TOX3: variants seen among roughly 807,000 people sequenced by gnomAD.
TOX3 encodes TOX high mobility group box family member 3.
Under a neutral mutation model 64.3 loss-of-function variants are expected in TOX3, and 22 were observed. That is an observed-to-expected ratio of 0.34 (90% CI 0.24 to 0.49). The LOEUF (loss-of-function observed/expected upper bound fraction) is 0.49. Ranked by LOEUF, TOX3 falls within the 20% of genes least tolerant of loss-of-function variation. The probability of loss-of-function intolerance (pLI) is 0.99; values close to 1 mark genes in which losing one functional copy is unlikely to be tolerated. For synonymous variants in TOX3, 291 were observed against 273.6 expected (o/e 1.06, Z -0.63); for missense variants, 661 against 714.4 (o/e 0.93, Z 0.85).
intron 1 of TOX3, among the ~76,000 whole-genome samples, chr16:52,495,728 A>G (rs963813845): frequency 6.6e-6 from 1 of 152,108 alleles, no homozygotes; most frequent in Non-Finnish European, 1.5e-5. Context: ...CACATATACA[A>G]CCTCCAAATT....
chr16:52,486,992 T>C (rs1596817824), intron 1 of TOX3, among the ~76,000 whole-genome samples: 1 of 152,144 alleles, frequency 6.6e-6, no homozygotes, highest in African/African-American at 2.4e-5. Context: ...CACCATATGA[T>C]CTTGCTTTGT....
chr16:52,447,656 T>A (rs1178529033), intron 4 of TOX3, among the ~76,000 whole-genome samples: 1 of 152,154 alleles, frequency 6.6e-6, no homozygotes, highest in Admixed American at 6.5e-5. Flanking sequence ...CACAATTGAT[T>A]CAATAATTCT....
At position 52,439,368 on chromosome 16, in the gene TOX3, G is replaced by A. The variant is rs765694161; in HGVS notation, c.1588C>T (p.Pro530Ser). Residue 530 changes from proline to serine, a missense_variant, in exon 7 of 7, where the codon CCT becomes TCT. Physicochemically the swap from Pro to Ser is moderately conservative, Grantham distance 74. Coordinates refer to ENST00000219746, the MANE Select transcript of TOX3 (RefSeq NM_001080430.4). The part of the protein sequence containing the change: ...QHMQHQSQPS[P>S]RQHSPVASQI... ...GAGGCGACAGGGGAGTGCTGCCGAG[G>A]AGAAGGCTGAGACTGGTGCTGCATG... 37 of 1,606,024 alleles carry A rather than the reference G, an allele frequency of 2.3e-5. No individual in the cohort carries two copies. Among genetic ancestry groups the A allele is most frequent in the Non-Finnish European group, 2.7e-5 (32 of 1,175,446 alleles).
intron 1 of TOX3, among the ~76,000 whole-genome samples, chr16:52,481,746 T>G (rs1478031434): frequency 6.6e-6 from 1 of 152,248 alleles, no homozygotes. Flanking sequence ...TTGCTCACAC[T>G]GCAAGAATAT....
chr16:52,509,332 G>C (rs1962240971), intron 1 of TOX3, among the ~76,000 whole-genome samples: 1 of 152,102 alleles, frequency 6.6e-6, no homozygotes, highest in African/African-American at 2.4e-5. Flanking sequence ...TCTATTCCAA[G>C]TCTGTCAGTG....
intron 1 of TOX3, among the ~76,000 whole-genome samples, chr16:52,525,254 G>T (rs527386570): frequency 6.6e-6 from 1 of 152,092 alleles, no homozygotes; most frequent in Non-Finnish European, 1.5e-5. Flanking sequence ...ATTTAATTAA[G>T]TTTGGGGAGG....
intron 3 of TOX3, among the ~76,000 whole-genome samples, chr16:52,451,553 C>T (rs1960347986): frequency 6.6e-6 from 1 of 151,948 alleles, no homozygotes; most frequent in Non-Finnish European, 1.5e-5. Context: ...TTGCTGAAAC[C>T]AAATTCTCTT....
At chr16:52,440,748 CTTTCT>C (rs1567307765) in intron 6 of TOX3, among the ~76,000 whole-genome samples, 7 of 89,456 alleles carry the variant, frequency 7.8e-5, no homozygotes, top group Admixed American at 2.4e-4. Flanking sequence ...ATTTTTCTTT[CTTTCT>C]TTTTTTTTTT....
chr16:52,545,591 C>A (rs1023171088), intron 1 of TOX3, among the ~76,000 whole-genome samples: 2 of 152,272 alleles, frequency 1.3e-5, no homozygotes, highest in Non-Finnish European at 2.9e-5. Context: ...CAATCACAAA[C>A]AAACTACGAT....
In TOX3 at chr16:52,450,532, T is replaced by C; in HGVS notation, c.423A>G (p.Thr141=). The C allele has an allele frequency of 1.9e-6, 3 of 1,614,008 alleles. No individual in the cohort carries two copies. Among genetic ancestry groups the C allele is most frequent in the Admixed American group, 3.3e-5 (2 of 60,026 alleles). The change falls in exon 4 of 7, where the codon ACA becomes ACG. Residue 141 remains threonine, a synonymous_variant. Coordinates refer to ENST00000219746, the MANE Select transcript of TOX3 (RefSeq NM_001080430.4). ...SSGLHMDQSH[T]QVSQYRQDPS... ...GATCCTGCCGGTACTGGGACACTTG[T>C]GTGTGGCTCTGATCCTAGAAAGGCA...
At chr16:52,458,168 T>C (rs1037551351) in intron 3 of TOX3, among the ~76,000 whole-genome samples, 2 of 152,206 alleles carry the variant, frequency 1.3e-5, no homozygotes, top group Non-Finnish European at 2.9e-5. Context: ...TAATAACAAG[T>C]AAATGTTCTT....
At chr16:52,500,326 T>C (rs1422704470) in intron 1 of TOX3, among the ~76,000 whole-genome samples, 1 of 152,222 alleles carries the variant, frequency 6.6e-6, no homozygotes, top group Non-Finnish European at 1.5e-5. Flanking sequence ...CACATCATCT[T>C]AGCCTAGGCC....
intron 1 of TOX3, among the ~76,000 whole-genome samples, chr16:52,481,268 C>T (rs916215894): frequency 6.6e-6 from 1 of 152,170 alleles, no homozygotes; most frequent in Non-Finnish European, 1.5e-5. Flanking sequence ...TATATATCAA[C>T]TAGTAGGTTC....
At chr16:52,506,319 TC>T (rs1057121267) in intron 1 of TOX3, among the ~76,000 whole-genome samples, 5 of 151,920 alleles carry the variant, frequency 3.3e-5, no homozygotes, top group Non-Finnish European at 2.9e-5. Flanking sequence ...AGGAGCATTT[TC>T]CCCCAACTGA....
chr16:52,440,049 T>C, intron 6 of TOX3, 81 bp from the exon 7 acceptor site: 4 of 1,204,596 alleles, frequency 3.3e-6, no homozygotes, highest in South Asian at 1.7e-5. Context: ...ATATTATAAA[T>C]TGATTTTTTT....
chr16:52,485,121 G>A lies in TOX3; in HGVS notation c.88-16547C>T, dbSNP rs762870780. Among the ~76,000 whole-genome samples the A allele has an allele frequency of 4.3e-5, 6 of 139,278 alleles. No individual in the cohort carries two copies. In the East Asian group the frequency reaches 7.2e-4, roughly 17 times the overall value. 91.4% of individuals were successfully genotyped at this position (139,278 alleles called of 152,430 possible). On this transcript the variant is annotated intron_variant, in intron 1 of 6. Transcript: ENST00000219746. ...TATATATACACATGTATGTATATATGTGTGTGTATACATATGTGTGTATAT... is the reference window on the plus strand; with the variant it reads ...TATATATACACATGTATGTATATATATGTGTGTATACATATGTGTGTATAT...
chr16:52,499,176 T>A (rs1041048847), intron 1 of TOX3, among the ~76,000 whole-genome samples: 1 of 152,204 alleles, frequency 6.6e-6, no homozygotes, highest in African/African-American at 2.4e-5. Context: ...GTTTTATAAC[T>A]ATGATCACAG....
chr16:52,494,656 C>T (rs1209457486), intron 1 of TOX3, among the ~76,000 whole-genome samples: 1 of 152,210 alleles, frequency 6.6e-6, no homozygotes, highest in Non-Finnish European at 1.5e-5. Flanking sequence ...ACAAAAACTT[C>T]CACTCAAGAT....
chr16:52,490,527 C>A (rs1228956394), intron 1 of TOX3, among the ~76,000 whole-genome samples: 1 of 151,516 alleles, frequency 6.6e-6, no homozygotes, highest in African/African-American at 2.4e-5. Flanking sequence ...AAGATGAACA[C>A]TTCACAAGGG....
Sources: allele counts gnomAD v4.1 joint callset (sites outside exome capture counted in the v4.1 genomes callset), GRCh38; gene constraint gnomAD v4.1.1; transcripts MANE v1.5; gene names NCBI Gene and HGNC (gene_info 2026-07-23, HGNC 2026-07-21).